LRP1B: variants seen among roughly 807,000 people sequenced by gnomAD.
The protein encoded by LRP1B is low-density lipoprotein receptor-related protein 1B.
LRP1B carries 217 observed loss-of-function variants against 556.6 expected under a neutral mutation model. The observed-to-expected ratio is 0.39, with a 90% CI of 0.35 to 0.44. LRP1B has a LOEUF of 0.44. Ranked by LOEUF, LRP1B falls within the 20% of genes least tolerant of loss-of-function variation. LRP1B has a pLI of 1.00. For missense variants in LRP1B, 5,053 were observed against 5,620.8 expected (o/e 0.90, Z 3.23); for synonymous variants, 2,047 against 1,865.8 (o/e 1.10, Z -2.50).
Position 140,883,978 on chromosome 2 carries a change from A to G in LRP1B, c.4008T>C (p.Thr1336=). Residue 1336 remains threonine, a synonymous_variant, in exon 25 of 91, where the codon ACT becomes ACC. Transcript: ENST00000389484. ...TCCAGTCGACTGTCAGGCCTTCTGG[A>G]GTAGCCAGGCCATGCTCCACAACCA... ...IEVVVEHGLA[T]PEGLTVDWIA... is the part of the protein sequence containing the mutation. The G allele has an allele frequency of 6.2e-7, 1 of 1,613,084 alleles. No homozygotes were observed. Among genetic ancestry groups the G allele is most frequent in the East Asian group, 2.2e-5 (1 of 44,850 alleles).
intron 6 of LRP1B, among the ~76,000 whole-genome samples, chr2:141,226,627 C>T (rs1683259194): frequency 6.6e-6 from 1 of 152,072 alleles, no homozygotes; most frequent in South Asian, 2.1e-4. Context: ...TGGATAGTGA[C>T]AGGTATTCAG....
At chr2:141,319,433 A>T (rs1687156483) in intron 3 of LRP1B, among the ~76,000 whole-genome samples, 1 of 151,020 alleles carries the variant, frequency 6.6e-6, no homozygotes, top group South Asian at 2.1e-4. Flanking sequence ...TTTTGAGACA[A>T]TTTTTTTTAA....
Position 140,751,096 on chromosome 2 carries a change from G to A in LRP1B, c.5758+18117C>T, listed in dbSNP as rs191002125. Reference sequence around the variant, plus strand: ...CAACTTCCACCTCCTGGGTTCAAGCGATTCTCCTGCCTCAGCCTCCCGAGT... The same window carrying A: ...CAACTTCCACCTCCTGGGTTCAAGCAATTCTCCTGCCTCAGCCTCCCGAGT... On this transcript the variant is annotated intron_variant, in intron 35 of 90. Coordinates refer to ENST00000389484, the MANE Select transcript of LRP1B (RefSeq NM_018557.3). 1.7e-3 allele frequency among the ~76,000 whole-genome samples: 250 copies of A among 148,754 alleles called. 9 individuals are homozygous for A. In the East Asian group the frequency reaches 0.045, roughly 27 times the overall value.
intron 2 of LRP1B, among the ~76,000 whole-genome samples, chr2:141,588,711 T>C (rs1394831695): frequency 2.6e-5 from 4 of 152,150 alleles, no homozygotes; most frequent in Non-Finnish European, 5.9e-5. Context: ...CTCTTCTCCT[T>C]CCCTCTCTAC....
chr2:141,637,521 A>G (rs1053142453), intron 2 of LRP1B, among the ~76,000 whole-genome samples: 1 of 152,198 alleles, frequency 6.6e-6, no homozygotes. Context: ...TATTTTGAAA[A>G]TTAAGGATGC....
chr2:140,719,703 T>A (rs1687335552), intron 35 of LRP1B, among the ~76,000 whole-genome samples: 1 of 152,036 alleles, frequency 6.6e-6, no homozygotes, highest in South Asian at 2.1e-4. Context: ...GTCAAGACCA[T>A]GAGATCACAG....
intron 41 of LRP1B, among the ~76,000 whole-genome samples, chr2:140,670,306 C>G (rs1685432455): frequency 1.3e-5 from 2 of 151,860 alleles, no homozygotes; most frequent in South Asian, 4.1e-4. Context: ...GCCCAAAGCA[C>G]AAAGAAAGTT....
intron 1 of LRP1B, among the ~76,000 whole-genome samples, chr2:142,119,301 A>C (rs1270290711): frequency 1.3e-5 from 2 of 152,142 alleles, no homozygotes; most frequent in Admixed American, 1.3e-4. Context: ...GTTGAAGTAA[A>C]GTATATTCTT....
At chr2:140,357,334 G>A (rs2105132811) in intron 74 of LRP1B, among the ~76,000 whole-genome samples, 1 of 151,356 alleles carries the variant, frequency 6.6e-6, no homozygotes, top group South Asian at 2.1e-4. Flanking sequence ...ATCCTGGTGG[G>A]TATTGCTTCA....
At chr2:142,109,366 C>T (rs1228859995) in intron 1 of LRP1B, among the ~76,000 whole-genome samples, 1 of 152,114 alleles carries the variant, frequency 6.6e-6, no homozygotes, top group African/African-American at 2.4e-5. Context: ...CCTGCTGGCT[C>T]CCCAAAGCCT....
chr2:141,050,948 A>AG (rs398080658), intron 10 of LRP1B, among the ~76,000 whole-genome samples: 2 of 150,952 alleles, frequency 1.3e-5, no homozygotes, highest in African/African-American at 4.9e-5. Context: ...AAAAACCAAA[A>AG]ACATCAAAAA....
intron 35 of LRP1B, among the ~76,000 whole-genome samples, chr2:140,739,619 C>T (rs995155652): frequency 8.5e-5 from 13 of 152,052 alleles, no homozygotes; most frequent in African/African-American, 2.4e-4. Context: ...TACAATAGAA[C>T]GGATGTTTTA....
chr2:140,957,763 T>A (rs1319268644), intron 18 of LRP1B, among the ~76,000 whole-genome samples: 1 of 151,458 alleles, frequency 6.6e-6, no homozygotes, highest in Non-Finnish European at 1.5e-5. Context: ...ATGCCTGGGT[T>A]TTAATGTCAA....
At chr2:140,940,376 A>G (rs1009396557) in intron 20 of LRP1B, among the ~76,000 whole-genome samples, 1 of 152,184 alleles carries the variant, frequency 6.6e-6, no homozygotes, top group Non-Finnish European at 1.5e-5. Context: ...ACTGTCAACA[A>G]TGAGATGAGA....
chr2:141,589,503 A>G (rs1197292338), intron 2 of LRP1B, among the ~76,000 whole-genome samples: 1 of 152,106 alleles, frequency 6.6e-6, no homozygotes, highest in African/African-American at 2.4e-5. Context: ...AACTACTATC[A>G]TTGCGCAAGT....
At position 140,375,172 on chromosome 2, in the gene LRP1B, T is replaced by C. The variant is rs575631419; in HGVS notation, c.10639-2035A>G. On this transcript the variant is annotated intron_variant, in intron 68 of 90. Coordinates refer to ENST00000389484, the MANE Select transcript of LRP1B (RefSeq NM_018557.3). ...AACTCATTGATTTTTATACTGTGTGTATGTGTGTGTGTGTGTGTGTGTGTG... is the reference window on the plus strand; with the variant it reads ...AACTCATTGATTTTTATACTGTGTGCATGTGTGTGTGTGTGTGTGTGTGTG... 8.8e-4 allele frequency among the ~76,000 whole-genome samples: 108 copies of C among 123,390 alleles called. No individual in the cohort carries two copies. The Middle Eastern group carries it at 0.012, about 14-fold the overall frequency. 80.9% of individuals were successfully genotyped at this position (123,390 alleles called of 152,430 possible). A position where few individuals can be genotyped will look rare whatever the true frequency, so the allele number is the denominator to read the frequency against.
intron 84 of LRP1B, among the ~76,000 whole-genome samples, chr2:140,279,973 TA>T (rs933197269): frequency 3.3e-5 from 5 of 151,886 alleles, no homozygotes; most frequent in African/African-American, 1.2e-4. Context: ...CATTTATCAC[TA>T]AGAGGATCAA....
intron 6 of LRP1B, among the ~76,000 whole-genome samples, chr2:141,198,451 A>C (rs1681843933): frequency 6.6e-6 from 1 of 152,122 alleles, no homozygotes; most frequent in South Asian, 2.1e-4. Flanking sequence ...TATCTAGGAC[A>C]CTTCTGAATG....
At chr2:140,409,774 A>C (rs534997190) in intron 66 of LRP1B, among the ~76,000 whole-genome samples, 52 of 151,572 alleles carry the variant, frequency 3.4e-4, no homozygotes, top group African/African-American at 1.2e-3. Context: ...CACAGCTCTT[A>C]AACTTCGGGA....
Sources: allele counts gnomAD v4.1 joint callset (sites outside exome capture counted in the v4.1 genomes callset), GRCh38; gene constraint gnomAD v4.1.1; transcripts MANE v1.5; gene names NCBI Gene and HGNC (gene_info 2026-07-23, HGNC 2026-07-21).